The following TRPA1 variants were observed in gnomAD, a reference collection of about 807,000 sequenced individuals.
TRPA1 encodes ankyrin-like with transmembrane domains 1.
A neutral mutation model predicts 131.3 loss-of-function variants in TRPA1; 129 were observed. The observed-to-expected ratio is 0.98, with a 90% CI of 0.85 to 1.14. TRPA1 has a LOEUF of 1.14. TRPA1 is among the 50% of genes most tolerant of loss of function. The probability of loss-of-function intolerance (pLI) is 0.00; values close to 1 mark genes in which losing one functional copy is unlikely to be tolerated. For synonymous variants in TRPA1, 441 were observed against 451.7 expected, an observed-to-expected ratio of 0.98 and a Z score of 0.30; for missense variants, 1,304 against 1,354.2, an observed-to-expected ratio of 0.96 and a Z score of 0.58.
At chr8:72,048,336 TCTGGTGAAC>T (rs1337180900) in intron 15 of TRPA1, among the ~76,000 whole-genome samples, 4 of 152,048 alleles carry the variant, frequency 2.6e-5, no homozygotes, top group Non-Finnish European at 5.9e-5. Context: ...TCCTGGGGCA[TCTGGTGAAC>T]CTGTAGAACT....
chr8:72,042,939 T>C (rs1000812328), intron 17 of TRPA1, among the ~76,000 whole-genome samples: 7 of 151,772 alleles, frequency 4.6e-5, no homozygotes, highest in Non-Finnish European at 1.0e-4. Flanking sequence ...TTAATAAGTA[T>C]AGAGTTTCAG....
At chr8:72,037,789 T>G (rs1479850416) in intron 20 of TRPA1, among the ~76,000 whole-genome samples, 194 bp downstream of exon 20, 1 of 152,074 alleles carries the variant, frequency 6.6e-6, no homozygotes, top group African/African-American at 2.4e-5. Flanking sequence ...ATATATCAAA[T>G]AGGCAGGGAC....
chr8:72,079,975 A>C (rs1404734127), upstream of TRPA1, among the ~76,000 whole-genome samples: 18 of 152,084 alleles, frequency 1.2e-4, no homozygotes, highest in Non-Finnish European at 1.8e-4. Context: ...TGTTTACAGA[A>C]ATACAATTGA....
intron 17 of TRPA1, among the ~76,000 whole-genome samples, chr8:72,045,538 A>G (rs1025332887): frequency 1.3e-4 from 19 of 149,430 alleles, no homozygotes; most frequent in African/African-American, 4.2e-4. Flanking sequence ...TTAAGTTAGG[A>G]AGCCACATGC....
chr8:72,070,373 C>A (rs1387008187), intron 2 of TRPA1, among the ~76,000 whole-genome samples: 1 of 152,054 alleles, frequency 6.6e-6, no homozygotes, highest in Non-Finnish European at 1.5e-5. Flanking sequence ...ATCTCTTGAC[C>A]GTTCTGTCTG....
intron 24 of TRPA1, among the ~76,000 whole-genome samples, chr8:72,029,480 C>T (rs1324097607): frequency 3.3e-5 from 5 of 152,118 alleles, no homozygotes; most frequent in African/African-American, 9.7e-5. Flanking sequence ...GGTATCCATG[C>T]TAAGTAACTG....
intron 15 of TRPA1, among the ~76,000 whole-genome samples, chr8:72,048,044 G>T (rs13255816): frequency 0.042 from 6,359 of 151,594 alleles, 185 homozygotes; most frequent in Middle Eastern, 0.14. Context: ...TGTTTAGAGG[G>T]GGGTGGACAG....
chr8:72,038,002 G>A lies in TRPA1; in HGVS notation c.2366C>T (p.Ala789Val), dbSNP rs1193285296. Reference protein sequence around the residue: ...LSSIFGYCKEAGQIFQQKRNY... With the variant: ...LSSIFGYCKEVGQIFQQKRNY... ...ACATACCTGTTGGAAAATTTGCCCC[G>A]CTTCTTTGCAATACCCAAATATACT... is the stretch of plus-strand genomic sequence containing the variant. Residue 789 changes from alanine to valine, a missense_variant, in exon 20 of 27, where the codon GCG becomes GTG. Physicochemically the swap from Ala to Val is moderately conservative, Grantham distance 64. Coordinates refer to ENST00000262209, the MANE Select transcript of TRPA1 (RefSeq NM_007332.3). 25 of 1,599,504 alleles carry A rather than the reference G, an allele frequency of 1.6e-5. No homozygotes were observed. The highest frequency in any genetic ancestry group is 2.0e-5 in the Non-Finnish European group (23 of 1,167,948).
Position 72,062,648 on chromosome 8 carries a change from T to C in TRPA1, c.807+151A>G, listed in dbSNP as rs370815259. The C allele has an allele frequency of 5.0e-6, 4 of 802,438 alleles. No homozygotes were observed. The South Asian group carries it at 7.1e-5, about 14-fold the overall frequency. 49.7% of individuals were successfully genotyped at this position (802,438 alleles called of 1,614,324 possible). On this transcript the variant is annotated intron_variant, in intron 6 of 26. Transcript: ENST00000262209. ...TCTTTACATAGATTGAAACTTGGGA[T>C]ATTCTCTTGTTCTGCTTCTGCAGAA...
At chr8:72,040,234 A>T (rs775565747) in intron 17 of TRPA1, among the ~76,000 whole-genome samples, 3 of 152,120 alleles carry the variant, frequency 2.0e-5, no homozygotes, top group East Asian at 3.8e-4. Flanking sequence ...GTTATTTGTG[A>T]CTACTAGTAT....
At chr8:72,063,664 C>G in intron 4 of TRPA1, 93 bp from the exon 5 acceptor site, 1 of 796,164 alleles carries the variant, frequency 1.3e-6, no homozygotes, top group African/African-American at 1.7e-5. Context: ...TATCATTTTA[C>G]TATTATATGT....
rs761430812 is a variant in TRPA1, at chr8:72,023,867, TTCTTG to T, written c.3091_3095del (p.Gln1031AsnfsTer5). The T allele has an allele frequency of 3.1e-5, 50 of 1,595,374 alleles. No homozygotes were observed. Among genetic ancestry groups the T allele is most frequent in the Non-Finnish European group, 3.9e-5 (45 of 1,163,510 alleles). On this transcript the variant is annotated frameshift_variant, in exon 26 of 27. Transcript: ENST00000262209. LOFTEE classifies it high-confidence loss of function. ...CTAAAGATTTATCAGCATTTGGTAT[TTCTTG>T]TCTTATTTCCCCAGTGCAAAATAAA...
intron 6 of TRPA1, 30 bp from the exon 7 acceptor site, chr8:72,061,791 G>A: frequency 6.2e-7 from 1 of 1,611,958 alleles, no homozygotes; most frequent in Non-Finnish European, 8.5e-7. Context: ...TAGAATCAAT[G>A]TTTAAATCTC....
intron 23 of TRPA1, among the ~76,000 whole-genome samples, chr8:72,030,611 GT>G (rs202132387): frequency 1.3e-5 from 2 of 151,844 alleles, no homozygotes; most frequent in African/African-American, 2.4e-5. Context: ...ATAAAAATCT[GT>G]TTTTTTTAAA....
intron 17 of TRPA1, 121 bp downstream of exon 17, chr8:72,046,392 T>C (rs1044639337): frequency 1.8e-6 from 1 of 546,512 alleles, no homozygotes; most frequent in Non-Finnish European, 3.2e-6. Flanking sequence ...CTGGGTCAAA[T>C]GGTATTTCTC....
chr8:72,034,516 A>T (rs1474990658), intron 21 of TRPA1, 139 bp from the exon 22 acceptor site: 6 of 532,472 alleles, frequency 1.1e-5, no homozygotes, highest in Non-Finnish European at 1.9e-5. Context: ...TGAAAAAGAA[A>T]ACATAAGAAT....
In TRPA1 at chr8:72,057,075, C is replaced by T. The variant is rs930162459; in HGVS notation, c.1094-58G>A. ...ATTCATTTATTTAAAGCAATGTTTA[C>T]GTGGATTTTCAACTTAGCAAAAAAA... On this transcript the variant is annotated intron_variant, in intron 9 of 26. Transcript: ENST00000262209. 183 of 1,373,732 alleles carry T rather than the reference C, an allele frequency of 1.3e-4. No homozygotes were observed. In the Middle Eastern group the frequency reaches 1.6e-3, roughly 12 times the overall value. 85.1% of individuals were successfully genotyped at this position (1,373,732 alleles called of 1,614,324 possible). A position where few individuals can be genotyped will look rare whatever the true frequency, so the allele number is the denominator to read the frequency against.
At chr8:72,060,860 C>CT (rs34558929) in intron 7 of TRPA1, among the ~76,000 whole-genome samples, 188 of 141,790 alleles carry the variant, frequency 1.3e-3, no homozygotes, top group Admixed American at 5.2e-3. Context: ...GCTATAGTTT[C>CT]TTTTTTTTTT....
Position 72,065,451 on chromosome 8 carries a change from C to T in TRPA1, c.552G>A (p.Leu184=), listed in dbSNP as rs769888344. 1 of 1,611,796 alleles carries T rather than the reference C, an allele frequency of 6.2e-7. No homozygotes were observed. The highest frequency in any genetic ancestry group is 1.3e-5 in the African/African-American group (1 of 74,914). ...AGACAGATATGACAAATATACAAAC[C>T]AAAATCTGCAATGCTTCGCTATTAT... ...TTNNSEALQI[L]LKKGAKPCKS... The change falls in exon 4 of 27, where the codon TTG becomes TTA. Residue 184 remains leucine (L), a splice_region_variant and synonymous_variant. Coordinates refer to ENST00000262209, the MANE Select transcript of TRPA1 (RefSeq NM_007332.3).
Sources: allele counts gnomAD v4.1 joint callset (sites outside exome capture counted in the v4.1 genomes callset), GRCh38; gene constraint gnomAD v4.1.1; transcripts MANE v1.5; gene names NCBI Gene and HGNC (gene_info 2026-07-23, HGNC 2026-07-21).